The following SPR variants were observed in gnomAD, a reference collection of about 807,000 sequenced individuals.
SPR encodes the protein Sepiapterin reductase (L-erythro-7,8-dihydrobiopterin forming).
Under a neutral mutation model 16.0 loss-of-function variants are expected in SPR, and 12 were observed. The ratio of observed to expected loss-of-function variants is 0.75; its 90% confidence interval spans 0.48 to 1.22. The LOEUF is 1.22. SPR is among the 50% of genes most tolerant of loss of function. The probability of loss-of-function intolerance (pLI) is 0.00; values close to 1 mark genes in which losing one functional copy is unlikely to be tolerated. For synonymous variants in SPR, 177 were observed against 168.5 expected (o/e 1.05, Z -0.39); for missense variants, 324 against 344.4 (o/e 0.94, Z 0.47).
Position 72,888,338 on chromosome 2 carries a change from G to A in SPR, c.329G>A (p.Gly110Asp). Residue 110 changes from glycine to aspartate, a missense_variant, in exon 2 of 3, where the codon GGC becomes GAC. Coordinates refer to ENST00000234454, the MANE Select transcript of SPR (RefSeq NM_003124.5). ...GGCTCTCTTGGGGATGTGTCCAAAG[G>A]CTTCGTGGACCTGAGTGACTCCACT... ...NAGSLGDVSK[G>D]FVDLSDSTQV... The A allele has an allele frequency of 3.7e-6, 6 of 1,614,198 alleles. No homozygotes were observed. Among genetic ancestry groups the A allele is most frequent in the Non-Finnish European group, 4.2e-6 (5 of 1,180,042 alleles).
At position 72,887,456 on chromosome 2, in the gene SPR, T is replaced by C; in HGVS notation, c.24T>C (p.Ala8=). 3 of 1,506,298 alleles carry C rather than the reference T, an allele frequency of 2.0e-6. No individual in the cohort carries two copies. The highest frequency in any genetic ancestry group is 2.6e-6 in the Non-Finnish European group (3 of 1,133,442). 93.3% of individuals were successfully genotyped at this position (1,506,298 alleles called of 1,614,324 possible). A position where few individuals can be genotyped will look rare whatever the true frequency, so the allele number is the denominator to read the frequency against. Residue 8 remains alanine, a synonymous_variant, in exon 1 of 3, where the codon GCT becomes GCC. Transcript: ENST00000234454. MEGGLGR[A]VCLLTGASRG... ...GCATGGAGGGCGGGCTGGGGCGTGC[T>C]GTGTGCTTGCTGACCGGGGCCTCCC...
intron 2 of SPR, among the ~76,000 whole-genome samples, chr2:72,888,964 T>C (rs1005911805): frequency 6.6e-6 from 1 of 152,204 alleles, no homozygotes; most frequent in Non-Finnish European, 1.5e-5. Flanking sequence ...ATACTGTATG[T>C]GAAAATGACC....
chr2:72,890,171 A>G (rs918890780), intron 2 of SPR, among the ~76,000 whole-genome samples: 5 of 152,198 alleles, frequency 3.3e-5, no homozygotes, highest in African/African-American at 1.2e-4. Context: ...ATGAAAGGAA[A>G]TAAAGGTGCG....
In SPR at chr2:72,891,528, T is replaced by C. The variant is rs758449259; in HGVS notation, c.777T>C (p.Tyr259=). The C allele has an allele frequency of 5.2e-5, 84 of 1,614,134 alleles. 2 individuals carry two copies. In the South Asian group the frequency reaches 8.8e-4, roughly 17 times the overall value. Residue 259 remains tyrosine, a synonymous_variant, in exon 3 of 3, where the codon TAT becomes TAC. Transcript: ENST00000234454. ...EFKSGAHVDF[Y]DK ...AGTCTGGAGCCCACGTGGACTTCTATGACAAATAAGCCCATGTTTTTGGCT... is the reference window on the plus strand; with the variant it reads ...AGTCTGGAGCCCACGTGGACTTCTACGACAAATAAGCCCATGTTTTTGGCT...
chr2:72,889,305 C>T (rs924695383), intron 2 of SPR, among the ~76,000 whole-genome samples: 7 of 152,144 alleles, frequency 4.6e-5, no homozygotes, highest in Non-Finnish European at 1.0e-4. Context: ...GTTTCTGATG[C>T]CACAGCGCCC....
intron 2 of SPR, among the ~76,000 whole-genome samples, chr2:72,890,829 G>A (rs1433580898): frequency 1.3e-5 from 2 of 152,216 alleles, no homozygotes; most frequent in Non-Finnish European, 2.9e-5. Flanking sequence ...GGTTGCAGGT[G>A]TGAGCCACTG....
At chr2:72,890,586 C>G (rs1257047700) in intron 2 of SPR, among the ~76,000 whole-genome samples, 2 of 152,088 alleles carry the variant, frequency 1.3e-5, no homozygotes, top group African/African-American at 4.8e-5. Context: ...CATGATCTGC[C>G]CGCCTCGGCC....
chr2:72,889,012 T>A (rs1229085892), intron 2 of SPR, among the ~76,000 whole-genome samples: 4 of 152,240 alleles, frequency 2.6e-5, no homozygotes, highest in African/African-American at 9.6e-5. Flanking sequence ...TAAATAGGAC[T>A]GACCACACTG....
At chr2:72,889,623 C>T (rs1476082344) in intron 2 of SPR, among the ~76,000 whole-genome samples, 1 of 151,442 alleles carries the variant, frequency 6.6e-6, no homozygotes, top group African/African-American at 2.4e-5. Flanking sequence ...TCATCATCCA[C>T]TCTGAATTCA....
chr2:72,890,999 G>T (rs1008860343), intron 2 of SPR, among the ~76,000 whole-genome samples: 2 of 152,176 alleles, frequency 1.3e-5, no homozygotes, highest in Non-Finnish European at 1.5e-5. Context: ...TGGGGACGAT[G>T]GGGGAGGGAA....
At chr2:72,888,879 G>C (rs770271773) in intron 2 of SPR, among the ~76,000 whole-genome samples, 10 of 152,214 alleles carry the variant, frequency 6.6e-5, no homozygotes, top group Non-Finnish European at 1.2e-4. Flanking sequence ...ACTGGGGTTT[G>C]AGTTCCAGGC....
intron 1 of SPR, 113 bp downstream of exon 1, chr2:72,887,849 C>A: frequency 1.7e-6 from 2 of 1,164,116 alleles, no homozygotes; most frequent in Non-Finnish European, 1.1e-6. Context: ...AATCTAAAGC[C>A]CTAGTTGTTC....
Position 72,887,467 on chromosome 2 carries a change from T to C in SPR, c.35T>C (p.Leu12Pro), listed in dbSNP as rs1486552702. The C allele has an allele frequency of 6.6e-7, 1 of 1,508,804 alleles. No individual in the cohort carries two copies. Among genetic ancestry groups the C allele is most frequent in the South Asian group, 1.2e-5 (1 of 80,642 alleles). 93.5% of individuals were successfully genotyped at this position (1,508,804 alleles called of 1,614,324 possible). Residue 12 changes from leucine (L) to proline (P), a missense_variant, in exon 1 of 3, where the codon CTG (leucine) becomes CCG (proline). Coordinates refer to ENST00000234454, the MANE Select transcript of SPR (RefSeq NM_003124.5). ...GGGCTGGGGCGTGCTGTGTGCTTGC[T>C]GACCGGGGCCTCCCGCGGCTTCGGC... ...EGGLGRAVCLLTGASRGFGRT... is the reference protein window; with the variant it reads ...EGGLGRAVCLPTGASRGFGRT...
intron 2 of SPR, among the ~76,000 whole-genome samples, chr2:72,889,114 C>G (rs142183534): frequency 1.3e-5 from 2 of 152,230 alleles, no homozygotes; most frequent in Non-Finnish European, 2.9e-5. Context: ...CCTAGCAAAG[C>G]ACTACACTAA....
intron 2 of SPR, 132 bp downstream of exon 2, chr2:72,888,736 C>A: frequency 9.7e-7 from 1 of 1,026,054 alleles, no homozygotes; most frequent in Non-Finnish European, 1.4e-6. Flanking sequence ...TGACCCATCA[C>A]CCCTTAGGGG....
chr2:72,887,418 G>C lies in SPR; in HGVS notation c.-15G>C. The C allele has an allele frequency of 6.8e-7, 1 of 1,469,014 alleles. No individual in the cohort carries two copies. The highest frequency in any genetic ancestry group is 3.0e-5 in the East Asian group (1 of 33,400). The allele number at this position is 1,469,014 out of a possible 1,614,324, so 91.0% of individuals were successfully genotyped here. Reference sequence around the variant, plus strand: ...CTGGTCTCGGGTGCCAGCGCCGCCGGCGGAGAACAGGAGCATGGAGGGCGG... The same window carrying C: ...CTGGTCTCGGGTGCCAGCGCCGCCGCCGGAGAACAGGAGCATGGAGGGCGG... On this transcript the variant is annotated 5_prime_UTR_variant, in exon 1 of 3. Coordinates refer to ENST00000234454, the MANE Select transcript of SPR (RefSeq NM_003124.5).
intron 2 of SPR, 68 bp downstream of exon 2, chr2:72,888,672 C>G (rs952294049): frequency 6.7e-7 from 1 of 1,487,468 alleles, no homozygotes; most frequent in Non-Finnish European, 9.0e-7. Context: ...GCTGGGCAAG[C>G]GGCCTAGTCC....
At chr2:72,887,769 G>T (rs1271563305) in intron 1 of SPR, 33 bp downstream of exon 1, 2 of 1,472,788 alleles carry the variant, frequency 1.4e-6, no homozygotes, top group African/African-American at 2.9e-5. Flanking sequence ...GACTCCCCAT[G>T]TGAGCGCCCA....
chr2:72,891,765 G>C lies in SPR; in HGVS notation c.*228G>C, dbSNP rs1670625531. Reference sequence around the variant, plus strand: ...CCCTGGGTTATAAGGAGGCTTAGGAGAGAGGTTATGGGTATTGGTGTCTCT... The same window carrying C: ...CCCTGGGTTATAAGGAGGCTTAGGACAGAGGTTATGGGTATTGGTGTCTCT... On this transcript the variant is annotated 3_prime_UTR_variant, in exon 3 of 3. Transcript: ENST00000234454. 1 of 596,228 alleles carries C rather than the reference G, an allele frequency of 1.7e-6. No individual in the cohort carries two copies. Among genetic ancestry groups the C allele is most frequent in the Non-Finnish European group, 3.0e-6 (1 of 334,300 alleles). 36.9% of individuals were successfully genotyped at this position (596,228 alleles called of 1,614,324 possible). A position where few individuals can be genotyped will look rare whatever the true frequency, so the allele number is the denominator to read the frequency against.
Sources: allele counts gnomAD v4.1 joint callset (sites outside exome capture counted in the v4.1 genomes callset), GRCh38; gene constraint gnomAD v4.1.1; transcripts MANE v1.5; gene names NCBI Gene and HGNC (gene_info 2026-07-23, HGNC 2026-07-21).